Variants in MARK3 observed in about 807,000 individuals in gnomAD.
MARK3 encodes microtubule affinity regulating kinase 3.
Under a neutral mutation model 90.1 loss-of-function variants are expected in MARK3, and 46 were observed. That is an observed-to-expected ratio of 0.51 (90% CI 0.40 to 0.65). The LOEUF (loss-of-function observed/expected upper bound fraction) is 0.65, where lower values mean the gene tolerates loss of function less well. Among genes scored for constraint, MARK3 ranks in the 30% least tolerant of loss-of-function variants. The pLI is 0.00. For synonymous variants in MARK3, 321 were observed against 332.6 expected (o/e 0.97, Z 0.38); for missense variants, 818 against 947.2 (o/e 0.86, Z 1.79).
At chr14:103,391,048 T>C (rs889628448) in intron 1 of MARK3, among the ~76,000 whole-genome samples, 1 of 152,140 alleles carries the variant, frequency 6.6e-6, no homozygotes. Flanking sequence ...TAGGAAAATT[T>C]AAAAAAATAG....
At chr14:103,479,900 A>C (rs142305616) in intron 13 of MARK3, among the ~76,000 whole-genome samples, 2,764 of 152,180 alleles carry the variant, frequency 0.018, 38 homozygotes, top group Non-Finnish European at 0.027. Context: ...TCTGCCTCCC[A>C]AAGTATTGGG....
chr14:103,479,860 G>C (rs192717174), intron 13 of MARK3, among the ~76,000 whole-genome samples: 3 of 151,994 alleles, frequency 2.0e-5, no homozygotes, highest in Non-Finnish European at 4.4e-5. Context: ...GGCTGGTCTC[G>C]AACTCCTCAC....
chr14:103,492,083 G>A (rs1159455016), intron 15 of MARK3, 49 bp downstream of exon 15: 1 of 1,583,570 alleles, frequency 6.3e-7, no homozygotes, highest in Admixed American at 1.8e-5. Flanking sequence ...AGAGCAAAAG[G>A]AAAGATGTCT....
At chr14:103,472,525 T>C (rs997619545) in intron 12 of MARK3, among the ~76,000 whole-genome samples, 12 of 150,828 alleles carry the variant, frequency 8.0e-5, no homozygotes, top group African/African-American at 2.4e-4. Context: ...CAAGTGCCTG[T>C]AGTCCTAGCT....
intron 2 of MARK3, among the ~76,000 whole-genome samples, chr14:103,421,754 C>T (rs573801101): frequency 2.2e-4 from 34 of 152,256 alleles, no homozygotes; most frequent in Middle Eastern, 3.4e-3. Flanking sequence ...CTGGTGGCAG[C>T]CCTTCCCTTC....
chr14:103,475,314 C>T (rs1257945990), intron 13 of MARK3, 104 bp downstream of exon 13: 4 of 899,396 alleles, frequency 4.4e-6, no homozygotes, highest in African/African-American at 1.6e-5. Context: ...CTGGAATGCC[C>T]TCTCTACTAG....
intron 5 of MARK3, among the ~76,000 whole-genome samples, chr14:103,456,633 CT>C (rs1309737524): frequency 2.6e-5 from 4 of 152,330 alleles, no homozygotes; most frequent in African/African-American, 9.6e-5. Context: ...TTATTGCCCC[CT>C]CCCCCAACTA....
At chr14:103,400,943 TTGTGTGTGTGTGTGTG>T (rs61635275) in intron 1 of MARK3, among the ~76,000 whole-genome samples, 58 of 123,572 alleles carry the variant, frequency 4.7e-4, no homozygotes, top group Middle Eastern at 8.3e-3. Flanking sequence ...ATATAACATT[TTGTGTGTGTGTGTGTG>T]TGTGTGTGTG....
intron 2 of MARK3, among the ~76,000 whole-genome samples, chr14:103,427,496 T>TAAAAAAA (rs1566824215): frequency 0.035 from 318 of 9,080 alleles, 4 homozygotes; most frequent in African/African-American, 0.072. Flanking sequence ...GGAGACTGTT[T>TAAAAAAA]CAAAAAAAAA....
rs1003933327 is a variant in MARK3, at chr14:103,385,963, G to T, written c.-67G>T. ...TGCCGTGGACTCGAGGACGCTGGTC[G>T]CCGGCCTCCTAGGGCTGTGCTGTTT... On this transcript the variant is annotated 5_prime_UTR_variant, in exon 1 of 18. Transcript: ENST00000429436. 1 of 1,347,748 alleles carries T rather than the reference G, an allele frequency of 7.4e-7. No individual in the cohort carries two copies. The highest frequency in any genetic ancestry group is 1.4e-5 in the African/African-American group (1 of 69,654). The allele number at this position is 1,347,748 out of a possible 1,614,324, so 83.5% of individuals were successfully genotyped here. A position where few individuals can be genotyped will look rare whatever the true frequency, so the allele number is the denominator to read the frequency against.
chr14:103,402,124 G>A (rs1402027598), intron 1 of MARK3, among the ~76,000 whole-genome samples: 1 of 152,158 alleles, frequency 6.6e-6, no homozygotes, highest in African/African-American at 2.4e-5. Context: ...GGGAATATCT[G>A]ATAATGAACA....
rs185030558 is a variant in MARK3, at chr14:103,393,264, G to C, written c.51+7184G>C. On this transcript the variant is annotated intron_variant, in intron 1 of 17. Transcript: ENST00000429436. ...GGCCTCCCAAAGTGCTGGAATTACA[G>C]GCGTGAGCCACTGTGCCCCGGCTTA... Among the ~76,000 whole-genome samples the C allele has an allele frequency of 2.0e-5, 3 of 152,244 alleles. 1 individual carries two copies. Among genetic ancestry groups the C allele is most frequent in the African/African-American group, 7.2e-5 (3 of 41,540 alleles).
intron 3 of MARK3, among the ~76,000 whole-genome samples, chr14:103,434,205 T>C (rs1295060592): frequency 6.6e-6 from 1 of 152,182 alleles, no homozygotes; most frequent in African/African-American, 2.4e-5. Flanking sequence ...AGCCAGGGTT[T>C]TTATGAACCA....
rs61200962 is a variant in MARK3 at position 103,409,435 on chromosome 14, T to TAA, written c.243+4197_243+4198dup. Among the ~76,000 whole-genome samples, 124 of 93,406 alleles carry TAA rather than the reference T, an allele frequency of 1.3e-3. 1 individual carries two copies. Among genetic ancestry groups the TAA allele is most frequent in the African/African-American group, 4.2e-3 (102 of 24,100 alleles). 61.3% of individuals were successfully genotyped at this position (93,406 alleles called of 152,430 possible). A position where few individuals can be genotyped will look rare whatever the true frequency, so the allele number is the denominator to read the frequency against. ...TGCACATGTATCCCAGAACTTAAAGTAAAAAAAAAAAAAAAAAAAAAAAAA... is the reference window on the plus strand; with the variant it reads ...TGCACATGTATCCCAGAACTTAAAGTAAAAAAAAAAAAAAAAAAAAAAAAAAA... On this transcript the variant is annotated intron_variant, in intron 2 of 17. Coordinates refer to ENST00000429436, the MANE Select transcript of MARK3 (RefSeq NM_001128918.3).
At chr14:103,482,180 T>G (rs2093837332) in intron 14 of MARK3, among the ~76,000 whole-genome samples, 1 of 152,146 alleles carries the variant, frequency 6.6e-6, no homozygotes, top group Non-Finnish European at 1.5e-5. Context: ...AATAGAAGAC[T>G]TAATTAGAAG....
intron 3 of MARK3, among the ~76,000 whole-genome samples, chr14:103,442,341 G>A (rs1566850025): frequency 6.7e-6 from 1 of 148,634 alleles, no homozygotes; most frequent in Non-Finnish European, 1.5e-5. Flanking sequence ...CTGCAGTTCA[G>A]CCTGGGTGAC....
chr14:103,388,437 T>G (rs1483603489), intron 1 of MARK3, among the ~76,000 whole-genome samples: 1 of 152,240 alleles, frequency 6.6e-6, no homozygotes, highest in Non-Finnish European at 1.5e-5. Context: ...ATTACTGCAC[T>G]GCTAAGTATT....
intron 11 of MARK3, 141 bp from the exon 12 acceptor site, chr14:103,467,892 T>C (rs2093545420): frequency 1.4e-6 from 1 of 713,718 alleles, no homozygotes; most frequent in African/African-American, 1.8e-5. Flanking sequence ...GAGTTTAGGG[T>C]TGTCATTTTT....
At chr14:103,442,596 G>A (rs7157966) in intron 3 of MARK3, among the ~76,000 whole-genome samples, 1,665 of 152,152 alleles carry the variant, frequency 0.011, 31 homozygotes, top group African/African-American at 0.038. Context: ...AATAAAAATA[G>A]AACCAAACAA....
Sources: gnomAD v4.1 joint callset for allele counts (sites outside exome capture counted in the v4.1 genomes callset) on GRCh38, gnomAD v4.1.1 for gene constraint, MANE v1.5 for transcripts, NCBI Gene and HGNC (gene_info 2026-07-23, HGNC 2026-07-21) for gene names.